ZFYVE9: variants seen among roughly 807,000 people sequenced by gnomAD.
ZFYVE9 encodes zinc finger FYVE domain-containing protein 9.
Under a neutral mutation model 126.7 loss-of-function variants are expected in ZFYVE9, and 43 were observed. The ratio of observed to expected loss-of-function variants is 0.34; its 90% CI spans 0.27 to 0.44. ZFYVE9 has a LOEUF of 0.44. Among genes scored for constraint, ZFYVE9 ranks in the 20% least tolerant of loss-of-function variants. ZFYVE9 has a pLI of 1.00. For synonymous variants in ZFYVE9, 521 were observed against 597.4 expected (o/e 0.87, Z 1.87); for missense variants, 1,476 against 1,697.0 (o/e 0.87, Z 2.29).
chr1:52,337,434 A>G (rs887688329), intron 15 of ZFYVE9, among the ~76,000 whole-genome samples: 4 of 152,250 alleles, frequency 2.6e-5, no homozygotes, highest in Admixed American at 2.6e-4. Context: ...ATGCAAACAA[A>G]TGAATATGAC....
intron 1 of ZFYVE9, among the ~76,000 whole-genome samples, 183 bp from the exon 2 acceptor site, chr1:52,216,186 T>C (rs1182760387): frequency 2.0e-5 from 3 of 152,252 alleles, no homozygotes; most frequent in Non-Finnish European, 4.4e-5. Flanking sequence ...TTTTGGCCTT[T>C]CAGACAATAA....
intron 1 of ZFYVE9, among the ~76,000 whole-genome samples, chr1:52,196,489 T>A (rs1014766096): frequency 2.0e-5 from 3 of 151,946 alleles, no homozygotes; most frequent in Non-Finnish European, 4.4e-5. Context: ...TACAAAAAAT[T>A]AGCCAGGTGT....
chr1:52,316,443 C>T (rs1646186164), intron 13 of ZFYVE9, among the ~76,000 whole-genome samples: 1 of 150,504 alleles, frequency 6.6e-6, no homozygotes, highest in South Asian at 2.1e-4. Flanking sequence ...CGAGATCACG[C>T]CACTGCACTC....
chr1:52,227,514 T>C (rs1482050172), intron 2 of ZFYVE9, among the ~76,000 whole-genome samples: 4 of 152,254 alleles, frequency 2.6e-5, no homozygotes, highest in Non-Finnish European at 5.9e-5. Flanking sequence ...ACAGTTAAGA[T>C]ACAGCATAAT....
At chr1:52,316,561 T>C (rs1371228040) in intron 13 of ZFYVE9, among the ~76,000 whole-genome samples, 1 of 151,874 alleles carries the variant, frequency 6.6e-6, no homozygotes, top group African/African-American at 2.4e-5. Flanking sequence ...TATATTAATA[T>C]CTAGGTTATT....
chr1:52,335,942 TG>T (rs1361535414), intron 15 of ZFYVE9, among the ~76,000 whole-genome samples: 1 of 152,162 alleles, frequency 6.6e-6, no homozygotes, highest in African/African-American at 2.4e-5. Context: ...GAGACCAGCC[TG>T]GCCGACATGG....
chr1:52,307,820 C>T (rs539917560), intron 13 of ZFYVE9, among the ~76,000 whole-genome samples: 19 of 150,670 alleles, frequency 1.3e-4, no homozygotes, highest in African/African-American at 4.6e-4. Context: ...GGAGCGATCT[C>T]GGCTCACTGC....
intron 13 of ZFYVE9, among the ~76,000 whole-genome samples, chr1:52,311,867 T>C (rs766914092): frequency 1.2e-4 from 19 of 152,038 alleles, no homozygotes; most frequent in Non-Finnish European, 2.5e-4. Context: ...CTTGGCTCAG[T>C]GCAACTTTCG....
chr1:52,254,313 T>C, intron 4 of ZFYVE9: 1 of 159,808 alleles, frequency 6.3e-6, no homozygotes, highest in Non-Finnish European at 1.4e-5. Context: ...TATTTTATTG[T>C]AATTTTGATA....
intron 1 of ZFYVE9, among the ~76,000 whole-genome samples, chr1:52,149,401 A>C (rs948206359): frequency 1.3e-5 from 2 of 151,904 alleles, no homozygotes; most frequent in African/African-American, 2.4e-5. Flanking sequence ...GGCAATATGA[A>C]TATTTCTTAA....
intron 13 of ZFYVE9, among the ~76,000 whole-genome samples, chr1:52,318,064 A>G (rs1394964321): frequency 6.6e-6 from 1 of 152,126 alleles, no homozygotes; most frequent in Non-Finnish European, 1.5e-5. Context: ...GCCTTATACT[A>G]ATAACAAAAC....
chr1:52,147,828 C>A (rs144275785), intron 1 of ZFYVE9, among the ~76,000 whole-genome samples: 1 of 152,174 alleles, frequency 6.6e-6, no homozygotes, highest in Non-Finnish European at 1.5e-5. Flanking sequence ...ACAATCCCAC[C>A]TGCGTTGTAT....
chr1:52,344,264 G>T (rs1259230366), intron 17 of ZFYVE9, among the ~76,000 whole-genome samples: 1 of 152,104 alleles, frequency 6.6e-6, no homozygotes, highest in East Asian at 1.9e-4. Flanking sequence ...GCAATAAAAG[G>T]CTCAGATGCC....
At chr1:52,257,795 C>T (rs945581882) in intron 4 of ZFYVE9, among the ~76,000 whole-genome samples, 3 of 152,156 alleles carry the variant, frequency 2.0e-5, no homozygotes, top group South Asian at 2.1e-4. Flanking sequence ...AATGCGGTGG[C>T]GCGATCTCTG....
intron 13 of ZFYVE9, among the ~76,000 whole-genome samples, chr1:52,322,367 G>A (rs1646248583): frequency 6.7e-6 from 1 of 148,238 alleles, no homozygotes; most frequent in African/African-American, 2.5e-5. Flanking sequence ...AGCAGCCTAA[G>A]TGGTCTTTTC....
At position 52,223,952 on chromosome 1, in the gene ZFYVE9, T is replaced by A. The variant is rs1645147027; in HGVS notation, c.-37+7478T>A. 2.0e-5 allele frequency among the ~76,000 whole-genome samples: 3 copies of A among 152,218 alleles called. No homozygotes were observed. The South Asian group carries it at 6.2e-4, about 32-fold the overall frequency. On this transcript the variant is annotated intron_variant, in intron 2 of 18. Coordinates refer to ENST00000287727, the MANE Select transcript of ZFYVE9 (RefSeq NM_004799.4). ...GATAGACATTAATTCAGCCCAAGTGTACAGTTGTGGCTCCAGAGACTGTCC... is the reference window on the plus strand; with the variant it reads ...GATAGACATTAATTCAGCCCAAGTGAACAGTTGTGGCTCCAGAGACTGTCC...
intron 1 of ZFYVE9, among the ~76,000 whole-genome samples, chr1:52,158,954 G>A (rs1394234529): frequency 1.3e-5 from 2 of 151,936 alleles, no homozygotes; most frequent in Non-Finnish European, 2.9e-5. Flanking sequence ...CACCATGCCC[G>A]GCTAATTTTT....
At chr1:52,171,033 G>A (rs1047194497) in intron 1 of ZFYVE9, among the ~76,000 whole-genome samples, 4 of 151,666 alleles carry the variant, frequency 2.6e-5, no homozygotes, top group South Asian at 2.1e-4. Flanking sequence ...TAAGTTTTAG[G>A]GTACATGTAC....
At chr1:52,184,552 A>G (rs1644746819) in intron 1 of ZFYVE9, among the ~76,000 whole-genome samples, 1 of 123,372 alleles carries the variant, frequency 8.1e-6, no homozygotes. Flanking sequence ...GGCCAGGAAA[A>G]TAATTTTGAA....
Sources: gnomAD v4.1 joint callset for allele counts (sites outside exome capture counted in the v4.1 genomes callset) on GRCh38, gnomAD v4.1.1 for gene constraint, MANE v1.5 for transcripts, NCBI Gene and HGNC (gene_info 2026-07-23, HGNC 2026-07-21) for gene names.